TEX11: variants seen among roughly 807,000 people sequenced by gnomAD.
TEX11 encodes testis-expressed protein 11.
Under a neutral mutation model 84.4 loss-of-function variants are expected in TEX11, and 7 were observed. The ratio of observed to expected loss-of-function variants is 0.08; its 90% CI spans 0.05 to 0.16. TEX11 has a LOEUF of 0.16. Among genes scored for constraint, TEX11 ranks in the 10% least tolerant of loss-of-function variants. The probability of loss-of-function intolerance (pLI) is 1.00; values close to 1 mark genes in which losing one functional copy is unlikely to be tolerated. For synonymous variants in TEX11, 264 were observed against 222.8 expected (o/e 1.18, Z -1.64); for missense variants, 551 against 660.5 (o/e 0.83, Z 1.82).
rs771868679 is a variant in TEX11, at chrX:70,740,042, G to A, written c.843+659C>T. Among the ~76,000 whole-genome samples the A allele has an allele frequency of 1.1e-4, 12 of 111,713 alleles. No individual in the cohort carries two copies. The South Asian group carries it at 1.9e-3, about 17-fold the overall frequency. On this transcript the variant is annotated intron_variant, in intron 11 of 29. Transcript: ENST00000374333. Reference sequence around the variant, plus strand: ...TTAAAATTAAATCCCATTATTCTGCGTATTTTATCATTTACTTCTTCATCC... The same window carrying A: ...TTAAAATTAAATCCCATTATTCTGCATATTTTATCATTTACTTCTTCATCC...
intron 13 of TEX11, among the ~76,000 whole-genome samples, chrX:70,720,694 C>T (rs1178832306): frequency 9.3e-6 from 1 of 107,849 alleles, no homozygotes; most frequent in Non-Finnish European, 1.9e-5. Context: ...CAAAATAAAC[C>T]CAGTTGAAAT....
the TEX11 span, among the ~76,000 whole-genome samples, chrX:70,520,433 G>C: frequency 8.9e-6 from 1 of 112,435 alleles, no homozygotes; most frequent in Non-Finnish European, 1.9e-5. Context: ...CTGTTTGCCT[G>C]GGTAACAGCC....
intron 9 of TEX11, among the ~76,000 whole-genome samples, chrX:70,797,065 A>G (rs2147800189): frequency 8.9e-6 from 1 of 112,505 alleles, no homozygotes; most frequent in South Asian, 3.7e-4. Flanking sequence ...GATTTCTCAA[A>G]GAACTTAAAA....
chrX:70,710,582 C>T (rs958547061), intron 13 of TEX11, among the ~76,000 whole-genome samples: 1 of 106,829 alleles, frequency 9.4e-6, no homozygotes, highest in Non-Finnish European at 1.9e-5. Flanking sequence ...ATTCCCAAAC[C>T]ATACTACTCT....
intron 5 of TEX11, among the ~76,000 whole-genome samples, chrX:70,853,974 A>C (rs2091521969): frequency 8.9e-6 from 1 of 112,277 alleles, no homozygotes; most frequent in African/African-American, 3.2e-5. Context: ...CTGACAACAC[A>C]GGTTAATGAA....
intron 2 of TEX11, among the ~76,000 whole-genome samples, chrX:70,902,504 T>A (rs749847874): frequency 1.8e-5 from 2 of 111,624 alleles, no homozygotes; most frequent in East Asian, 2.8e-4. Context: ...TTACTGTAAC[T>A]TTTTTACTTT....
intron 5 of TEX11, among the ~76,000 whole-genome samples, chrX:70,854,548 T>C (rs2091524499): frequency 9.1e-6 from 1 of 110,348 alleles, no homozygotes; most frequent in Non-Finnish European, 1.9e-5. Flanking sequence ...CTGAGCAACA[T>C]AACATAGCAA....
intron 9 of TEX11, among the ~76,000 whole-genome samples, chrX:70,746,410 C>T (rs2090767906): frequency 9.0e-6 from 1 of 111,415 alleles, no homozygotes; most frequent in Non-Finnish European, 1.9e-5. Context: ...TCCTGATCAT[C>T]TTTACTCCAG....
chrX:70,646,689 C>T (rs926182961), intron 17 of TEX11, among the ~76,000 whole-genome samples: 10 of 111,830 alleles, frequency 8.9e-5, no homozygotes, highest in Non-Finnish European at 1.3e-4. Flanking sequence ...CATCACCCCA[C>T]ATCTGCTAGA....
At chrX:70,908,140 C>A (rs189660611) in intron 1 of TEX11, among the ~76,000 whole-genome samples, 34 of 111,910 alleles carry the variant, frequency 3.0e-4, no homozygotes, top group African/African-American at 1.1e-3. Flanking sequence ...AGCATCCAAT[C>A]ACTCACGGTC....
chrX:70,547,728 C>T (rs1030017199), intron 28 of TEX11, among the ~76,000 whole-genome samples: 2 of 112,080 alleles, frequency 1.8e-5, no homozygotes, highest in African/African-American at 6.5e-5. Context: ...GATACCATCT[C>T]ACACCAGTTA....
intron 25 of TEX11, among the ~76,000 whole-genome samples, chrX:70,579,214 C>T (rs1282891363): frequency 7.3e-5 from 8 of 109,335 alleles, no homozygotes; most frequent in Non-Finnish European, 1.3e-4. Context: ...CTGGGCCGGG[C>T]GCGGTGGCTC....
chrX:70,561,860 T>C (rs1205175776), intron 25 of TEX11, among the ~76,000 whole-genome samples: 2 of 112,417 alleles, frequency 1.8e-5, no homozygotes, highest in East Asian at 5.5e-4. Context: ...ATATATTAGG[T>C]AACAATTAAT....
chrX:70,759,438 C>T (rs1438286887), intron 9 of TEX11, among the ~76,000 whole-genome samples: 2 of 111,796 alleles, frequency 1.8e-5, no homozygotes, highest in African/African-American at 6.5e-5. Context: ...GTCAGCTTCA[C>T]CCCTGGGATG....
At chrX:70,726,438 C>A (rs1420965610) in intron 11 of TEX11, among the ~76,000 whole-genome samples, 4 of 111,989 alleles carry the variant, frequency 3.6e-5, no homozygotes, top group Non-Finnish European at 7.5e-5. Context: ...AGATTGCCTG[C>A]TAAATCCATC....
chrX:70,661,081 C>A (rs1313558139), intron 16 of TEX11, among the ~76,000 whole-genome samples: 1 of 112,240 alleles, frequency 8.9e-6, no homozygotes, highest in Non-Finnish European at 1.9e-5. Context: ...CGAGGCATTG[C>A]CTCACCCGGG....
At chrX:70,693,290 T>C (rs1489885712) in intron 13 of TEX11, among the ~76,000 whole-genome samples, 1 of 111,865 alleles carries the variant, frequency 8.9e-6, no homozygotes, top group African/African-American at 3.2e-5. Flanking sequence ...ACTTGTTATC[T>C]TTTCTTAAAA....
intron 7 of TEX11, among the ~76,000 whole-genome samples, chrX:70,849,678 G>A (rs962513567): frequency 2.3e-4 from 26 of 111,680 alleles, no homozygotes; most frequent in Non-Finnish European, 3.8e-4. Flanking sequence ...AACTCTAATG[G>A]TGCGAATGTC....
chrX:70,560,635 G>C (rs1392425944), intron 25 of TEX11, among the ~76,000 whole-genome samples: 2 of 111,144 alleles, frequency 1.8e-5, no homozygotes, highest in Non-Finnish European at 3.8e-5. Flanking sequence ...TTGTAATGAA[G>C]TCCACTTTAT....
Sources: allele counts gnomAD v4.1 joint callset (sites outside exome capture counted in the v4.1 genomes callset), GRCh38; gene constraint gnomAD v4.1.1; transcripts MANE v1.5; gene names NCBI Gene and HGNC (gene_info 2026-07-23, HGNC 2026-07-21).